The following TET1 variants were observed in gnomAD, a reference collection of about 807,000 sequenced individuals.
TET1 encodes tet methylcytosine dioxygenase 1, also known as methylcytosine dioxygenase TET1.
TET1 carries 13 observed loss-of-function variants against 148.7 expected under a neutral mutation model. The ratio of observed to expected loss-of-function variants is 0.09; its 90% CI spans 0.06 to 0.14. TET1 has a LOEUF of 0.14. Ranked by LOEUF, TET1 falls within the 10% of genes least tolerant of loss-of-function variation. The pLI, the probability that TET1 is intolerant of heterozygous loss-of-function variation, is 1.00. For synonymous variants in TET1, 907 were observed against 937.2 expected (o/e 0.97, Z 0.59); for missense variants, 2,182 against 2,553.8 (o/e 0.85, Z 3.14).
At chr10:68,582,456 T>C (rs2053809165) in intron 2 of TET1, among the ~76,000 whole-genome samples, 1 of 152,176 alleles carries the variant, frequency 6.6e-6, no homozygotes, top group Non-Finnish European at 1.5e-5. Flanking sequence ...GCCTCTTAAT[T>C]AATGCAAATT....
At chr10:68,561,368 G>A (rs2053551227) in intron 1 of TET1, among the ~76,000 whole-genome samples, 1 of 152,174 alleles carries the variant, frequency 6.6e-6, no homozygotes, top group Non-Finnish European at 1.5e-5. Context: ...GGAGGCAGTG[G>A]TGCAGTCTTG....
At chr10:68,632,284 T>C (rs1479449898) in intron 3 of TET1, 20 of 1,114,124 alleles carry the variant, frequency 1.8e-5, no homozygotes, top group Non-Finnish European at 2.4e-5. Flanking sequence ...ATCCCGCCAC[T>C]GCACTCCAGC....
rs2055623769 is a variant in TET1 at position 68,693,920 on chromosome 10, T to C, written c.*2106T>C. 4.3e-6 allele frequency: 1 copy of C among 230,960 alleles called. No individual in the cohort carries two copies. The highest frequency in any genetic ancestry group is 8.6e-6 in the Non-Finnish European group (1 of 116,692). 14.3% of individuals were successfully genotyped at this position (230,960 alleles called of 1,614,324 possible). A position where few individuals can be genotyped will look rare whatever the true frequency, so the allele number is the denominator to read the frequency against. Reference sequence around the variant, plus strand: ...TACTCATTCTTCGAGTCTACACTTATTGAATGCCTGCAAAATCTAAGTATC... The same window carrying C: ...TACTCATTCTTCGAGTCTACACTTACTGAATGCCTGCAAAATCTAAGTATC... On this transcript the variant is annotated 3_prime_UTR_variant, in exon 12 of 12. Transcript: ENST00000373644.
rs531745778 is a variant in TET1 at position 68,632,719 on chromosome 10, A to G, written c.1969-11979A>G. On this transcript the variant is annotated intron_variant, in intron 3 of 11. Coordinates refer to ENST00000373644, the MANE Select transcript of TET1 (RefSeq NM_030625.3). ...TGAAAGAAAACACAACGGCGGCAGC[A>G]GCAATTGAACAATCTTGAGCATAGA... is the stretch of plus-strand genomic sequence containing the variant. 3 of 1,609,396 alleles carry G rather than the reference A, an allele frequency of 1.9e-6. No homozygotes were observed. In the African/African-American group the frequency reaches 4.0e-5, roughly 22 times the overall value.
At chr10:68,623,813 C>A (rs1429811579) in intron 3 of TET1, among the ~76,000 whole-genome samples, 1 of 152,216 alleles carries the variant, frequency 6.6e-6, no homozygotes, top group Non-Finnish European at 1.5e-5. Context: ...GCCTAAGTAG[C>A]TCAAAGCGAC....
chr10:68,565,750 G>C (rs1236974729), intron 1 of TET1, among the ~76,000 whole-genome samples: 1 of 152,028 alleles, frequency 6.6e-6, no homozygotes, highest in African/African-American at 2.4e-5. Flanking sequence ...AACTTAGTTT[G>C]TCACAAAAGA....
intron 2 of TET1, among the ~76,000 whole-genome samples, chr10:68,577,608 G>C (rs1019916326): frequency 4.0e-5 from 6 of 151,768 alleles, no homozygotes; most frequent in African/African-American, 1.5e-4. Flanking sequence ...AGGAGTTTGA[G>C]ACCAGCCTGG....
intron 10 of TET1, among the ~76,000 whole-genome samples, chr10:68,684,100 GGCT>G (rs1388818061): frequency 1.3e-5 from 2 of 152,032 alleles, no homozygotes; most frequent in African/African-American, 4.8e-5. Flanking sequence ...ATTAAGTCTT[GGCT>G]GCAGGATGAG....
intron 4 of TET1, among the ~76,000 whole-genome samples, chr10:68,648,324 T>TTA (rs1327458396): frequency 3.0e-4 from 45 of 152,338 alleles, no homozygotes; most frequent in African/African-American, 1.1e-3. Context: ...TTACTGTCTA[T>TTA]GGCCAAATTT....
At chr10:68,678,626 T>C (rs2055395211) in intron 8 of TET1, among the ~76,000 whole-genome samples, 1 of 151,996 alleles carries the variant, frequency 6.6e-6, no homozygotes, top group South Asian at 2.1e-4. Context: ...GGCGGGCACC[T>C]GTAATTCCGG....
rs750700067 is a variant in TET1, at chr10:68,645,400, G to C, written c.2671G>C (p.Val891Leu). The change falls in exon 4 of 12, where the codon GTG (valine) becomes CTG (leucine). Residue 891 changes from valine (V) to leucine (L), a missense_variant. Physicochemically the swap from Val to Leu is conservative, Grantham distance 32. Coordinates refer to ENST00000373644, the MANE Select transcript of TET1 (RefSeq NM_030625.3). ...AGATAGGAGATTAACATTGGAGCAA[G>C]TGGTAGCCATAGAGGCCCTGACTCA... ...MKDRRLTLEQVVAIEALTQLS... is the reference protein window; with the variant it reads ...MKDRRLTLEQLVAIEALTQLS... 6.2e-7 allele frequency: 1 copy of C among 1,614,070 alleles called. No individual in the cohort carries two copies. The highest frequency in any genetic ancestry group is 1.7e-5 in the Admixed American group (1 of 60,026).
intron 3 of TET1, among the ~76,000 whole-genome samples, chr10:68,608,987 G>A (rs1240117933): frequency 4.0e-5 from 6 of 151,748 alleles, no homozygotes; most frequent in Admixed American, 3.3e-4. Context: ...AACCTTTCCT[G>A]GCCCATAGTT....
At chr10:68,565,572 C>T (rs2053599642) in intron 1 of TET1, among the ~76,000 whole-genome samples, 2 of 150,180 alleles carry the variant, frequency 1.3e-5, no homozygotes, top group South Asian at 4.2e-4. Flanking sequence ...GGAAGCAGAG[C>T]ATTTAATAAT....
chr10:68,669,474 C>CTTTTTTTTTTTTTTTTTT (rs3085667), intron 7 of TET1, among the ~76,000 whole-genome samples: 7 of 61,606 alleles, frequency 1.1e-4, no homozygotes, highest in East Asian at 7.4e-4. Context: ...CCATGCCCAG[C>CTTTTTTTTTTTTTTTTTT]TTTTTTTTTT....
chr10:68,667,248 C>T lies in TET1; in HGVS notation c.4665C>T (p.Leu1555=), dbSNP rs774932122. 11 of 1,611,404 alleles carry T rather than the reference C, an allele frequency of 6.8e-6. No individual in the cohort carries two copies. The highest frequency in any genetic ancestry group is 1.7e-6 in the Non-Finnish European group (2 of 1,178,854). Residue 1555 remains leucine, a synonymous_variant, in exon 7 of 12, where the codon CTC becomes CTT. Transcript: ENST00000373644. The part of the protein sequence containing the change: ...NGHPTDRRCT[L]NENRTCTCQG... The stretch of plus-strand genomic sequence containing the variant: ...ACCCTACCGACAGAAGATGCACCCT[C>T]AATGAAAAGTAATTAAATCTGTTTT...
chr10:68,622,196 TCC>T lies in TET1; in HGVS notation c.1968+21163_1968+21164del, dbSNP rs1491297373. Among the ~76,000 whole-genome samples, 107 of 121,978 alleles carry T rather than the reference TCC, an allele frequency of 8.8e-4. No homozygotes were observed. In the South Asian group the frequency reaches 0.018, roughly 20 times the overall value. 80.0% of individuals were successfully genotyped at this position (121,978 alleles called of 152,430 possible). On this transcript the variant is annotated intron_variant, in intron 3 of 11. Transcript: ENST00000373644. ...TTCCTTCCTTCCTTCCTTCCTTCCTTCCTTCCTTCCTTCCTTCCTTCCTTCCC... is the reference window on the plus strand; with the variant it reads ...TTCCTTCCTTCCTTCCTTCCTTCCTTTTCCTTCCTTCCTTCCTTCCTTCCC...
In TET1 at chr10:68,565,411, G is replaced by A. The variant is rs527326195; in HGVS notation, c.-123+4669G>A. Among the ~76,000 whole-genome samples, 8 of 149,552 alleles carry A rather than the reference G, an allele frequency of 5.3e-5. No individual in the cohort carries two copies. In the East Asian group the frequency reaches 1.6e-3, roughly 29 times the overall value. On this transcript the variant is annotated intron_variant, in intron 1 of 11. Transcript: ENST00000373644. ...TGGGAGGATCACTTAAGCCCAGGAGGTCAAGGCTACAGTGAGCCTTGATAT... is the reference window on the plus strand; with the variant it reads ...TGGGAGGATCACTTAAGCCCAGGAGATCAAGGCTACAGTGAGCCTTGATAT...
chr10:68,645,279 C>T lies in TET1; in HGVS notation c.2550C>T (p.His850=), dbSNP rs753222039. ...HSIINHHASI[H]NEGDQPKTPE... ...TCATAAATCATCATGCTAGTATACA[C>T]AATGAAGGTGATCAACCAAAAACTC... The change falls in exon 4 of 12, where the codon CAC becomes CAT. Residue 850 remains histidine (H), a synonymous_variant. Coordinates refer to ENST00000373644, the MANE Select transcript of TET1 (RefSeq NM_030625.3). 1 of 1,613,976 alleles carries T rather than the reference C, an allele frequency of 6.2e-7. No individual in the cohort carries two copies. Among genetic ancestry groups the T allele is most frequent in the Non-Finnish European group, 8.5e-7 (1 of 1,180,026 alleles).
chr10:68,685,551 T>C (rs549059170), intron 10 of TET1, among the ~76,000 whole-genome samples: 1 of 152,254 alleles, frequency 6.6e-6, no homozygotes, highest in East Asian at 1.9e-4. Flanking sequence ...GAAAATTAAT[T>C]ACAATTAAAA....
Sources: allele counts gnomAD v4.1 joint callset (sites outside exome capture counted in the v4.1 genomes callset), GRCh38; gene constraint gnomAD v4.1.1; transcripts MANE v1.5; gene names NCBI Gene and HGNC (gene_info 2026-07-23, HGNC 2026-07-21).